Variants in RGS20 observed in about 807,000 individuals in gnomAD.
RGS20 encodes regulator of G protein signaling 20.
In RGS20, 30 loss-of-function variants were observed where a neutral mutation model predicts 33.6. The ratio of observed to expected loss-of-function variants is 0.89; its 90% confidence interval spans 0.67 to 1.21. The LOEUF (loss-of-function observed/expected upper bound fraction) is 1.21, where lower values mean the gene tolerates loss of function less well. RGS20 is among the 50% of genes most tolerant of loss of function. RGS20 has a pLI of 0.00. For synonymous variants in RGS20, 208 were observed against 197.9 expected, an observed-to-expected ratio of 1.05 and a Z score of -0.43; for missense variants, 472 against 502.4, an observed-to-expected ratio of 0.94 and a Z score of 0.58.
rs1471006821 is a variant in RGS20, at chr8:53,946,696, C to T, written c.691C>T (p.Pro231Ser). 6.2e-7 allele frequency: 1 copy of T among 1,612,938 alleles called. No individual in the cohort carries two copies. The highest frequency in any genetic ancestry group is 1.1e-5 in the South Asian group (1 of 90,842). Residue 231 changes from proline (P) to serine (S), a missense_variant, in exon 4 of 6, where the codon CCC becomes TCC. Coordinates refer to ENST00000297313, the MANE Select transcript of RGS20 (RefSeq NM_170587.4). ...TGTTAGAAACCAGGAAGATCAGAGGCCCACAATAGCTTCCCACGAACTCAG... is the reference window on the plus strand; with the variant it reads ...TGTTAGAAACCAGGAAGATCAGAGGTCCACAATAGCTTCCCACGAACTCAG...
chr8:53,932,338 T>TCCCAC, intron 2 of RGS20, among the ~76,000 whole-genome samples: 1 of 152,178 alleles, frequency 6.6e-6, no homozygotes, highest in Middle Eastern at 3.4e-3. Flanking sequence ...GCTCAGTGGA[T>TCCCAC]CCCACCCCCA....
At chr8:53,916,145 C>T (rs1226086207) in intron 2 of RGS20, among the ~76,000 whole-genome samples, 1 of 152,132 alleles carries the variant, frequency 6.6e-6, no homozygotes, top group Non-Finnish European at 1.5e-5. Context: ...ACCTCAACCT[C>T]CTAAGGAGCT....
In RGS20 at chr8:53,879,394, G is replaced by A; in HGVS notation, c.302G>A (p.Arg101His). Reference sequence around the variant, plus strand: ...CCCCCTCCCGAGGCTCCCCGGAGGCGCCTGGACTTCTCCCCCCTGCTTCCC... The same window carrying A: ...CCCCCTCCCGAGGCTCCCCGGAGGCACCTGGACTTCTCCCCCCTGCTTCCC... Residue 101 changes from arginine to histidine, a missense_variant, in exon 2 of 6, where the codon CGC (arginine) becomes CAC (histidine). Coordinates refer to ENST00000297313, the MANE Select transcript of RGS20 (RefSeq NM_170587.4). 1 of 1,610,838 alleles carries A rather than the reference G, an allele frequency of 6.2e-7. No homozygotes were observed. Among genetic ancestry groups the A allele is most frequent in the Non-Finnish European group, 8.5e-7 (1 of 1,179,558 alleles).
At chr8:53,914,813 T>G (rs1273151639) in intron 2 of RGS20, 1 of 152,122 alleles carries the variant, frequency 6.6e-6, no homozygotes, top group Non-Finnish European at 1.5e-5. Flanking sequence ...TCATGAAGCA[T>G]TCCATAAAAA....
At position 53,948,133 on chromosome 8, in the gene RGS20, CTA is replaced by C. The variant is rs571369141; in HGVS notation, c.743+1393_743+1394del. On this transcript the variant is annotated intron_variant, in intron 4 of 5. Coordinates refer to ENST00000297313, the MANE Select transcript of RGS20 (RefSeq NM_170587.4). ...ATATATAAGATGTAGTATATATATG[CTA>C]TATATATGATATAGTATATATATTT... is the stretch of plus-strand genomic sequence containing the variant. 5.0e-3 allele frequency among the ~76,000 whole-genome samples: 615 copies of C among 123,786 alleles called. 4 individuals carry two copies. Among genetic ancestry groups the C allele is most frequent in the African/African-American group, 0.017 (547 of 32,592 alleles). 81.2% of individuals were successfully genotyped at this position (123,786 alleles called of 152,430 possible).
chr8:53,955,101 C>T (rs183716432), intron 5 of RGS20, among the ~76,000 whole-genome samples: 1 of 150,514 alleles, frequency 6.6e-6, no homozygotes, highest in East Asian at 2.1e-4. Flanking sequence ...ACCGTGAATG[C>T]GGGTGCAGCT....
intron 3 of RGS20, among the ~76,000 whole-genome samples, chr8:53,943,288 T>A (rs1037169676): frequency 6.6e-6 from 1 of 152,168 alleles, no homozygotes; most frequent in African/African-American, 2.4e-5. Context: ...CATAGTCAAG[T>A]CAATTTTCAA....
At chr8:53,900,046 C>T (rs1270242576) in intron 2 of RGS20, among the ~76,000 whole-genome samples, 1 of 152,148 alleles carries the variant, frequency 6.6e-6, no homozygotes. Flanking sequence ...TGAAGGCATT[C>T]TGGGTTACTT....
At chr8:53,902,581 TC>T (rs1369091294) in intron 2 of RGS20, among the ~76,000 whole-genome samples, 1 of 152,242 alleles carries the variant, frequency 6.6e-6, no homozygotes, top group Non-Finnish European at 1.5e-5. Flanking sequence ...TTTTAGCTGC[TC>T]TTTTGTGTGG....
intron 2 of RGS20, chr8:53,879,621 A>G (rs1812300019): frequency 6.9e-7 from 1 of 1,447,780 alleles, no homozygotes; most frequent in Non-Finnish European, 9.1e-7. Context: ...CGTGGTCTCC[A>G]CTACGCCCCA....
intron 1 of RGS20, among the ~76,000 whole-genome samples, chr8:53,856,724 C>T (rs1811677945): frequency 1.3e-5 from 2 of 152,284 alleles, no homozygotes; most frequent in South Asian, 4.1e-4. Context: ...TAATTATAAA[C>T]ATGGTCAGAG....
At chr8:53,874,041 A>G (rs986380881) in intron 1 of RGS20, among the ~76,000 whole-genome samples, 1 of 152,160 alleles carries the variant, frequency 6.6e-6, no homozygotes, top group African/African-American at 2.4e-5. Flanking sequence ...TCTACTAAAA[A>G]TACAAAAAAT....
At chr8:53,951,568 G>A (rs530809788) in intron 4 of RGS20, among the ~76,000 whole-genome samples, 1 of 152,174 alleles carries the variant, frequency 6.6e-6, no homozygotes, top group South Asian at 2.1e-4. Flanking sequence ...CAAAAACTTG[G>A]ATTTAAACAT....
intron 2 of RGS20, among the ~76,000 whole-genome samples, chr8:53,911,856 G>A (rs762017517): frequency 6.6e-6 from 1 of 152,158 alleles, no homozygotes; most frequent in African/African-American, 2.4e-5. Context: ...CATGAGAATC[G>A]CTTGAACCCG....
intron 2 of RGS20, among the ~76,000 whole-genome samples, chr8:53,915,796 G>T (rs770257760): frequency 1.3e-5 from 2 of 152,038 alleles, no homozygotes; most frequent in African/African-American, 4.8e-5. Flanking sequence ...TTGGAGTCTC[G>T]CTATGTTGTC....
chr8:53,882,861 C>T (rs1812434389), intron 2 of RGS20, among the ~76,000 whole-genome samples: 1 of 152,100 alleles, frequency 6.6e-6, no homozygotes, highest in Admixed American at 6.5e-5. Context: ...CATCAGTCTC[C>T]AGCCACCCTC....
intron 2 of RGS20, among the ~76,000 whole-genome samples, chr8:53,931,552 AAACAACAAC>A (rs147351535): frequency 0.014 from 2,181 of 150,706 alleles, 53 homozygotes; most frequent in African/African-American, 0.049. Context: ...CAAAACTCCA[AAACAACAAC>A]AACAACAACA....
intron 2 of RGS20, among the ~76,000 whole-genome samples, chr8:53,898,380 G>C (rs1403872895): frequency 6.6e-6 from 1 of 151,974 alleles, no homozygotes. Flanking sequence ...TTTTTCTTTT[G>C]GGAGGCTGTG....
intron 2 of RGS20, among the ~76,000 whole-genome samples, chr8:53,919,087 T>G (rs897855198): frequency 2.6e-5 from 4 of 152,226 alleles, no homozygotes; most frequent in African/African-American, 9.6e-5. Flanking sequence ...CTACTTTTAT[T>G]TTACCCATCC....
Sources: gnomAD v4.1 joint callset for allele counts (sites outside exome capture counted in the v4.1 genomes callset) on GRCh38, gnomAD v4.1.1 for gene constraint, MANE v1.5 for transcripts, NCBI Gene and HGNC (gene_info 2026-07-23, HGNC 2026-07-21) for gene names.